Variants in TBXAS1 observed in about 807,000 individuals in gnomAD.
The protein encoded by TBXAS1 is thromboxane-A synthase.
TBXAS1 carries 48 observed loss-of-function variants against 60.7 expected under a neutral mutation model. The ratio of observed to expected loss-of-function variants is 0.79; its 90% CI spans 0.63 to 1.01. The LOEUF is 1.01. TBXAS1 is among the 50% of genes least tolerant of loss of function. The pLI is 0.00. For synonymous variants in TBXAS1, 287 were observed against 269.7 expected (o/e 1.06, Z -0.63); for missense variants, 685 against 686.3 (o/e 1.00, Z 0.02).
At chr7:139,973,325 TC>T (rs1342497536) in intron 9 of TBXAS1, among the ~76,000 whole-genome samples, 1 of 152,250 alleles carries the variant, frequency 6.6e-6, no homozygotes, top group Admixed American at 6.5e-5. Context: ...ACCTACTAAA[TC>T]AGCAAATTAA....
At chr7:139,928,648 TTTTA>T (rs1426105703) in intron 4 of TBXAS1, among the ~76,000 whole-genome samples, 5 of 152,040 alleles carry the variant, frequency 3.3e-5, no homozygotes, top group African/African-American at 1.2e-4. Flanking sequence ...ATTAATAGAG[TTTTA>T]TTTGTCTTTG....
chr7:139,952,155 T>C (rs1480314363), intron 5 of TBXAS1, among the ~76,000 whole-genome samples: 1 of 152,278 alleles, frequency 6.6e-6, no homozygotes, highest in East Asian at 1.9e-4. Flanking sequence ...CAAAAGATTG[T>C]TAGACGAAGT....
intron 4 of TBXAS1, among the ~76,000 whole-genome samples, chr7:139,920,264 C>T (rs1806352529): frequency 6.6e-6 from 1 of 152,198 alleles, no homozygotes; most frequent in Admixed American, 6.5e-5. Flanking sequence ...CCTCTGGCTG[C>T]CAGCACTAAT....
At chr7:139,889,420 G>A (rs1470460789) in intron 3 of TBXAS1, among the ~76,000 whole-genome samples, 2 of 152,152 alleles carry the variant, frequency 1.3e-5, no homozygotes, top group Admixed American at 1.3e-4. Flanking sequence ...GACTTCAAAT[G>A]CTGGAGACAA....
chr7:139,925,160 TATTTTAGG>T (rs1361925541), intron 4 of TBXAS1, among the ~76,000 whole-genome samples: 2 of 152,180 alleles, frequency 1.3e-5, no homozygotes, highest in Non-Finnish European at 2.9e-5. Context: ...TTTCCATACA[TATTTTAGG>T]ATTGTTTTTT....
chr7:139,954,298 CT>C (rs1809663731), intron 6 of TBXAS1, among the ~76,000 whole-genome samples: 1 of 152,204 alleles, frequency 6.6e-6, no homozygotes, highest in Non-Finnish European at 1.5e-5. Flanking sequence ...CACATTGTCT[CT>C]GATTATTATA....
intron 1 of TBXAS1, among the ~76,000 whole-genome samples, chr7:139,864,007 A>G (rs1801164375): frequency 6.6e-6 from 1 of 152,224 alleles, no homozygotes; most frequent in African/African-American, 2.4e-5. Context: ...ATTCCTGCAG[A>G]ATCAAGAACA....
At chr7:139,868,652 ATTTTTT>A (rs71170918) in intron 1 of TBXAS1, among the ~76,000 whole-genome samples, 9 of 105,042 alleles carry the variant, frequency 8.6e-5, no homozygotes, top group African/African-American at 1.8e-4. Flanking sequence ...CCTGGCTAAT[ATTTTTT>A]TTTTTTTTTT....
chr7:139,993,755 G>C (rs543554164), intron 9 of TBXAS1, among the ~76,000 whole-genome samples: 1 of 152,154 alleles, frequency 6.6e-6, no homozygotes, highest in Non-Finnish European at 1.5e-5. Context: ...GAGGTCTAAC[G>C]CTGCCTCTGC....
At chr7:139,832,012 G>T (rs1798732222) in intron 1 of TBXAS1, among the ~76,000 whole-genome samples, 1 of 152,228 alleles carries the variant, frequency 6.6e-6, no homozygotes, top group African/African-American at 2.4e-5. Context: ...CTAGACTGCA[G>T]CTCCAGACAA....
chr7:139,984,946 A>AAAAGAAAGAAAG (rs111228602), intron 9 of TBXAS1, among the ~76,000 whole-genome samples: 144 of 141,892 alleles, frequency 1.0e-3, no homozygotes, highest in African/African-American at 2.1e-3. Flanking sequence ...GAAAGAAAAG[A>AAAAGAAAGAAAG]AAAGAAAGAA....
At chr7:139,928,611 A>G (rs974296980) in intron 4 of TBXAS1, among the ~76,000 whole-genome samples, 3 of 151,864 alleles carry the variant, frequency 2.0e-5, no homozygotes, top group Admixed American at 6.6e-5. Flanking sequence ...TAAGTGTAGA[A>G]ATCTGTGGGT....
intron 1 of TBXAS1, among the ~76,000 whole-genome samples, chr7:139,833,831 A>T (rs1798883371): frequency 3.3e-5 from 5 of 152,226 alleles, no homozygotes; most frequent in Admixed American, 3.3e-4. Context: ...TAGGCCTAAG[A>T]AATGTGGTAG....
intron 9 of TBXAS1, among the ~76,000 whole-genome samples, chr7:139,968,462 T>C (rs983407808): frequency 2.6e-5 from 4 of 152,040 alleles, no homozygotes; most frequent in Admixed American, 2.6e-4. Flanking sequence ...GCCTGGCTAA[T>C]TTTTGTATTT....
In TBXAS1 at chr7:139,926,610, T is replaced by C. The variant is rs1464162710; in HGVS notation, c.334-9581T>C. Among the ~76,000 whole-genome samples, 8 of 150,128 alleles carry C rather than the reference T, an allele frequency of 5.3e-5. No individual in the cohort carries two copies. The South Asian group carries it at 6.3e-4, about 12-fold the overall frequency. On this transcript the variant is annotated intron_variant, in intron 4 of 12. Coordinates refer to ENST00000448866, the MANE Select transcript of TBXAS1 (RefSeq NM_001061.7). ...TATTTTGTCGATCTTTTGTATTGTT[T>C]CCTTCATTTCAATTTCATTTATTTC...
At chr7:139,964,224 TACAGACATTCACCA>T (rs1405469498) in intron 9 of TBXAS1, among the ~76,000 whole-genome samples, 1 of 152,224 alleles carries the variant, frequency 6.6e-6, no homozygotes, top group East Asian at 1.9e-4. Flanking sequence ...TTGCTGGCAT[TACAGACATTCACCA>T]CCACAACTGG....
Position 140,015,840 on chromosome 7 carries a change from G to A in TBXAS1, c.1344G>A (p.Pro448=), listed in dbSNP as rs147299625. Residue 448 remains proline (P), a synonymous_variant, in exon 11 of 13, where the codon CCG becomes CCA. Coordinates refer to ENST00000448866, the MANE Select transcript of TBXAS1 (RefSeq NM_001061.7). ...LHHDPEHWPS[P]ETFNPERFTA... Reference sequence around the variant, plus strand: ...ATGACCCTGAGCACTGGCCAAGCCCGGAGACCTTCAACCCTGAAAGGTGAG... The same window carrying A: ...ATGACCCTGAGCACTGGCCAAGCCCAGAGACCTTCAACCCTGAAAGGTGAG... 2.4e-5 allele frequency: 39 copies of A among 1,613,704 alleles called. No homozygotes were observed. Among genetic ancestry groups the A allele is most frequent in the South Asian group, 4.4e-5 (4 of 91,086 alleles).
At chr7:140,003,859 G>T (rs193148627) in intron 9 of TBXAS1, among the ~76,000 whole-genome samples, 7 of 152,344 alleles carry the variant, frequency 4.6e-5, no homozygotes, top group Non-Finnish European at 1.0e-4. Flanking sequence ...AACTTCAGCT[G>T]CAAGTGAGAA....
At chr7:140,019,165 G>C (rs760802009) in intron 12 of TBXAS1, among the ~76,000 whole-genome samples, 2 of 152,192 alleles carry the variant, frequency 1.3e-5, no homozygotes, top group African/African-American at 2.4e-5. Flanking sequence ...ACCAGCTGCT[G>C]GTCCTGGAGG....
Sources: allele counts gnomAD v4.1 joint callset (sites outside exome capture counted in the v4.1 genomes callset), GRCh38; gene constraint gnomAD v4.1.1; transcripts MANE v1.5; gene names NCBI Gene and HGNC (gene_info 2026-07-23, HGNC 2026-07-21).